Variants in DTX4 observed in about 807,000 individuals in gnomAD.
The protein encoded by DTX4 is E3 ubiquitin-protein ligase DTX4.
A neutral mutation model predicts 57.6 loss-of-function variants in DTX4; 28 were observed. That is an observed-to-expected ratio of 0.49 (90% confidence interval 0.36 to 0.67). DTX4 has a LOEUF of 0.67. Among genes scored for constraint, DTX4 ranks in the 30% least tolerant of loss-of-function variants. The probability of loss-of-function intolerance (pLI) is 0.00; values close to 1 mark genes in which losing one functional copy is unlikely to be tolerated. For synonymous variants in DTX4, 316 were observed against 331.0 expected, an observed-to-expected ratio of 0.95 and a Z score of 0.49; for missense variants, 715 against 836.8, an observed-to-expected ratio of 0.85 and a Z score of 1.80.
At chr11:59,204,565 A>G in intron 8 of DTX4, 111 bp from the exon 9 acceptor site, 1 of 980,538 alleles carries the variant, frequency 1.0e-6, no homozygotes, top group Non-Finnish European at 1.5e-6. Context: ...TGCTTAGGGT[A>G]TCATGATGCA....
intron 2 of DTX4, among the ~76,000 whole-genome samples, chr11:59,188,012 T>G (rs1408638734): frequency 6.6e-6 from 1 of 152,370 alleles, no homozygotes; most frequent in African/African-American, 2.4e-5. Flanking sequence ...TATTCTGGTC[T>G]GGATCTGGGA....
intron 7 of DTX4, among the ~76,000 whole-genome samples, chr11:59,197,446 G>C (rs1862686415): frequency 6.6e-6 from 1 of 152,172 alleles, no homozygotes; most frequent in Non-Finnish European, 1.5e-5. Context: ...GAAGGAGATG[G>C]AGGGAGAAGA....
At chr11:59,175,830 G>A (rs1374648485) in intron 1 of DTX4, among the ~76,000 whole-genome samples, 1 of 152,036 alleles carries the variant, frequency 6.6e-6, no homozygotes, top group Admixed American at 6.5e-5. Context: ...AACAACTGTG[G>A]CTCTCATTCC....
chr11:59,182,123 G>T lies in DTX4; in HGVS notation c.596G>T (p.Ser199Ile). 1 of 1,613,542 alleles carries T rather than the reference G, an allele frequency of 6.2e-7. No homozygotes were observed. Residue 199 changes from serine (S) to isoleucine (I), a missense_variant, in exon 2 of 9, where the codon AGT becomes ATT. Coordinates refer to ENST00000227451, the MANE Select transcript of DTX4 (RefSeq NM_015177.2). ...TGTCCCCAGTGTGTCTTGGTGATGAGTGTTAAGGCAGCCGTGGTCAATGGC... is the reference window on the plus strand; with the variant it reads ...TGTCCCCAGTGTGTCTTGGTGATGATTGTTAAGGCAGCCGTGGTCAATGGC... ...CSCPQCVLVM[S>I]VKAAVVNGST...
chr11:59,188,788 C>T lies in DTX4; in HGVS notation c.989C>T (p.Ala330Val), dbSNP rs770793360. The T allele has an allele frequency of 6.2e-7, 1 of 1,613,718 alleles. No individual in the cohort carries two copies. Among genetic ancestry groups the T allele is most frequent in the Non-Finnish European group, 8.5e-7 (1 of 1,179,708 alleles). The part of the protein sequence containing the change: ...NLNGSSPVNP[A>V]LAGITGILMS... ...AATGGGTCCAGTCCTGTCAACCCTG[C>T]CTTGGCAGGTAAGAGAAACCCCAGG... Residue 330 changes from alanine to valine, a missense_variant, in exon 3 of 9, where the codon GCC becomes GTC. Physicochemically the swap from Ala to Val is moderately conservative, Grantham distance 64. Transcript: ENST00000227451.
At chr11:59,200,768 G>A (rs1862731438) in intron 8 of DTX4, among the ~76,000 whole-genome samples, 2 of 152,134 alleles carry the variant, frequency 1.3e-5, no homozygotes, top group African/African-American at 4.8e-5. Flanking sequence ...AAAATCATTG[G>A]ATTTTCAAAA....
chr11:59,178,772 G>A (rs1393766760), intron 1 of DTX4, among the ~76,000 whole-genome samples: 1 of 152,174 alleles, frequency 6.6e-6, no homozygotes, highest in Non-Finnish European at 1.5e-5. Context: ...GATGGAAAAT[G>A]GCTTGAGACC....
At position 59,206,910 on chromosome 11, in the gene DTX4, C is replaced by T. The variant is rs1187835011; in HGVS notation, c.*2001C>T. ...TGTATCTCACCAGCAGACCAGGAGACTGGTCCCAAGGTTACTGCACCACAG... is the reference window on the plus strand; with the variant it reads ...TGTATCTCACCAGCAGACCAGGAGATTGGTCCCAAGGTTACTGCACCACAG... On this transcript the variant is annotated 3_prime_UTR_variant, in exon 9 of 9. Coordinates refer to ENST00000227451, the MANE Select transcript of DTX4 (RefSeq NM_015177.2). The T allele has an allele frequency of 6.6e-6, 1 of 152,626 alleles. No homozygotes were observed. Among genetic ancestry groups the T allele is most frequent in the Admixed American group, 6.5e-5 (1 of 15,288 alleles). The allele number at this position is 152,626 out of a possible 1,614,324, so 9.5% of individuals were successfully genotyped here.
At position 59,172,311 on chromosome 11, in the gene DTX4, C is replaced by T. The variant is rs1175897187; in HGVS notation, c.-285C>T. On this transcript the variant is annotated 5_prime_UTR_variant, in exon 1 of 9. Coordinates refer to ENST00000227451, the MANE Select transcript of DTX4 (RefSeq NM_015177.2). The stretch of plus-strand genomic sequence containing the variant: ...GGGGGCCTGTTTGCAGAGAGCCGGG[C>T]ATTTGCATGAAGCGACTCGACCCCA... Among the ~76,000 whole-genome samples the T allele has an allele frequency of 6.6e-5, 10 of 151,936 alleles. No homozygotes were observed. The South Asian group carries it at 8.3e-4, about 13-fold the overall frequency.
chr11:59,208,530 T>G lies in DTX4; in HGVS notation c.*3621T>G, dbSNP rs1406933054. 3 of 152,230 alleles carry G rather than the reference T, an allele frequency of 2.0e-5. No individual in the cohort carries two copies. The highest frequency in any genetic ancestry group is 4.4e-5 in the Non-Finnish European group (3 of 68,040). The allele number at this position is 152,230 out of a possible 1,614,324, so 9.4% of individuals were successfully genotyped here. A position where few individuals can be genotyped will look rare whatever the true frequency, so the allele number is the denominator to read the frequency against. On this transcript the variant is annotated 3_prime_UTR_variant, in exon 9 of 9. Coordinates refer to ENST00000227451, the MANE Select transcript of DTX4 (RefSeq NM_015177.2). ...GGCTGTTGTTTCTCAAATAAATGTT[T>G]AATATTAATCATTCCCAAACTGACA...
chr11:59,178,834 A>C (rs548579527), intron 1 of DTX4, among the ~76,000 whole-genome samples: 13 of 152,348 alleles, frequency 8.5e-5, no homozygotes, highest in Admixed American at 3.9e-4. Flanking sequence ...AGGCCATTTC[A>C]GTAGAAGGGA....
At chr11:59,188,643 T>A (rs545278776) in intron 2 of DTX4, 92 bp from the exon 3 acceptor site, 2 of 1,090,152 alleles carry the variant, frequency 1.8e-6, no homozygotes, top group Non-Finnish European at 2.8e-6. Context: ...TCTGCTGTGT[T>A]AAGCACTTAA....
intron 4 of DTX4, among the ~76,000 whole-genome samples, chr11:59,190,296 A>G: frequency 6.6e-6 from 1 of 152,168 alleles, no homozygotes; most frequent in East Asian, 1.9e-4. Context: ...AATAGTGCAT[A>G]TCGGGCCCTT....
At position 59,182,091 on chromosome 11, in the gene DTX4, CT is replaced by C; in HGVS notation, c.565del (p.Cys189AlafsTer9). 6.2e-7 allele frequency: 1 copy of C among 1,613,100 alleles called. No individual in the cohort carries two copies. On this transcript the variant is annotated frameshift_variant, in exon 2 of 9. Transcript: ENST00000227451. LOFTEE classifies it high-confidence loss of function. ...GPATSPPMSP[C>X]SCPQCVLVMS... ...CAGCCACCTCGCCCCCCATGTCCCC[CT>C]GCTCCTGTCCCCAGTGTGTCTTGGT...
intron 6 of DTX4, among the ~76,000 whole-genome samples, 191 bp downstream of exon 6, chr11:59,192,441 T>G (rs1334905092): frequency 6.6e-6 from 1 of 152,200 alleles, no homozygotes; most frequent in Non-Finnish European, 1.5e-5. Context: ...TGGTAAGACC[T>G]GTCTTCACCT....
rs370599996 is a variant in DTX4 at position 59,205,110 on chromosome 11, A to G, written c.*201A>G. 14 of 562,788 alleles carry G rather than the reference A, an allele frequency of 2.5e-5. No homozygotes were observed. The East Asian group carries it at 3.7e-4, about 15-fold the overall frequency. 34.9% of individuals were successfully genotyped at this position (562,788 alleles called of 1,614,324 possible). The stretch of plus-strand genomic sequence containing the variant: ...CGACATCATTCATAAATCTCATCCA[A>G]CACAAAGGGAGATGGGATGAGGGCC... On this transcript the variant is annotated 3_prime_UTR_variant, in exon 9 of 9. Transcript: ENST00000227451.
rs372299507 is a variant in DTX4 at position 59,172,610 on chromosome 11, G to A, written c.15G>A (p.Ser5=). The A allele has an allele frequency of 3.4e-4, 525 of 1,554,006 alleles. 10 individuals are homozygous for A. The highest frequency in any genetic ancestry group is 2.1e-5 in the Non-Finnish European group (24 of 1,158,238). The change falls in exon 1 of 9, where the codon TCG becomes TCA. Residue 5 remains serine (S), a synonymous_variant. Coordinates refer to ENST00000227451, the MANE Select transcript of DTX4 (RefSeq NM_015177.2). Reference sequence around the variant, plus strand: ...CCGGGCTCGCCATGCTCCTGGCCTCGGCCGTGGTGGTCTGGGAATGGCTGA... The same window carrying A: ...CCGGGCTCGCCATGCTCCTGGCCTCAGCCGTGGTGGTCTGGGAATGGCTGA... MLLA[S]AVVVWEWLNE...
chr11:59,173,655 G>A (rs1862357899), intron 1 of DTX4, among the ~76,000 whole-genome samples: 1 of 152,126 alleles, frequency 6.6e-6, no homozygotes, highest in Admixed American at 6.5e-5. Flanking sequence ...GTCTCCTGGA[G>A]CGCCAAACTC....
At chr11:59,195,476 C>T in intron 7 of DTX4, 107 bp downstream of exon 7, 2 of 1,298,322 alleles carry the variant, frequency 1.5e-6, no homozygotes, top group South Asian at 3.2e-5. Context: ...CCACACTTTT[C>T]CGCCATCTAC....
Sources: allele counts gnomAD v4.1 joint callset (sites outside exome capture counted in the v4.1 genomes callset), GRCh38; gene constraint gnomAD v4.1.1; transcripts MANE v1.5; gene names NCBI Gene and HGNC (gene_info 2026-07-23, HGNC 2026-07-21).